The following RANBP9 variants were observed in gnomAD, a reference collection of about 807,000 sequenced individuals.
RANBP9 encodes the protein RAN binding protein 9, also known as ran-binding protein 9.
RANBP9 carries 15 observed loss-of-function variants against 84.3 expected under a neutral mutation model. That is an observed-to-expected ratio of 0.18 (90% CI 0.12 to 0.27). The LOEUF (loss-of-function observed/expected upper bound fraction) is 0.27. RANBP9 is among the 10% of genes least tolerant of loss of function. The pLI is 1.00. For synonymous variants in RANBP9, 392 were observed against 349.6 expected (o/e 1.12, Z -1.35); for missense variants, 809 against 912.8 (o/e 0.89, Z 1.46).
At chr6:13,686,116 GCC>G (rs869094962) in intron 2 of RANBP9, among the ~76,000 whole-genome samples, 226 of 2,094 alleles carry the variant, frequency 0.11, 9 homozygotes, top group African/African-American at 0.26. Flanking sequence ...CCCCCCCCCC[GCC>G]CCCCGAAATA....
At chr6:13,652,018 A>T (rs1765309503) in intron 5 of RANBP9, among the ~76,000 whole-genome samples, 3 of 152,058 alleles carry the variant, frequency 2.0e-5, no homozygotes. Context: ...CTTGCTCTAC[A>T]TATCCACTTG....
At chr6:13,638,251 C>T (rs1012058355) in intron 9 of RANBP9, among the ~76,000 whole-genome samples, 3 of 152,056 alleles carry the variant, frequency 2.0e-5, no homozygotes, top group African/African-American at 7.3e-5. Flanking sequence ...TACACTGAGG[C>T]TCAGAATTTA....
chr6:13,636,010 G>A lies in RANBP9; in HGVS notation c.1674-1458C>T, dbSNP rs144111174. Reference sequence around the variant, plus strand: ...AGTAATTATGATCAGTACTATGATGGAAGTTAATCACAAAACATGACATAT... The same window carrying A: ...AGTAATTATGATCAGTACTATGATGAAAGTTAATCACAAAACATGACATAT... On this transcript the variant is annotated intron_variant, in intron 10 of 13. Transcript: ENST00000011619. Among the ~76,000 whole-genome samples, 474 of 152,194 alleles carry A rather than the reference G, an allele frequency of 3.1e-3. 3 individuals carry two copies. The highest frequency in any genetic ancestry group is 0.011 in the African/African-American group (462 of 41,512).
At chr6:13,677,453 G>C (rs1398066284) in intron 2 of RANBP9, among the ~76,000 whole-genome samples, 4 of 152,118 alleles carry the variant, frequency 2.6e-5, no homozygotes, top group Non-Finnish European at 5.9e-5. Context: ...TACTGACACA[G>C]TAAGAGGGAT....
At position 13,637,729 on chromosome 6, in the gene RANBP9, G is replaced by C. The variant is rs1764973796; in HGVS notation, c.1673+79C>G. On this transcript the variant is annotated intron_variant, in intron 10 of 13. Coordinates refer to ENST00000011619, the MANE Select transcript of RANBP9 (RefSeq NM_005493.3). ...CCCCTCTGTGGGTCACATAATTCAA[G>C]TTCTTTCAAAATTATTACAACGATT... The C allele has an allele frequency of 2.2e-6, 3 of 1,358,926 alleles. No individual in the cohort carries two copies. In the African/African-American group the frequency reaches 4.5e-5, roughly 20 times the overall value. 84.2% of individuals were successfully genotyped at this position (1,358,926 alleles called of 1,614,324 possible). A position where few individuals can be genotyped will look rare whatever the true frequency, so the allele number is the denominator to read the frequency against.
chr6:13,710,805 C>T (rs534227201), intron 1 of RANBP9, 130 bp downstream of exon 1: 15 of 995,168 alleles, frequency 1.5e-5, no homozygotes, highest in Non-Finnish European at 2.0e-5. Context: ...AGCAGCACAA[C>T]AGGCGGCGAG....
Position 13,642,462 on chromosome 6 carries a change from C to A in RANBP9, c.1225+17G>T. On this transcript the variant is annotated intron_variant, in intron 7 of 13. Transcript: ENST00000011619. ...AATCTGAAAACAAATGTTAGCCATG[C>A]ACCACAGTGTCCTTACTTTGTCTAT... is the stretch of plus-strand genomic sequence containing the variant. 7.2e-7 allele frequency: 1 copy of A among 1,382,260 alleles called. No homozygotes were observed. Among genetic ancestry groups the A allele is most frequent in the Non-Finnish European group, 9.9e-7 (1 of 1,012,154 alleles). 85.6% of individuals were successfully genotyped at this position (1,382,260 alleles called of 1,614,324 possible).
intron 2 of RANBP9, among the ~76,000 whole-genome samples, chr6:13,666,706 T>C (rs1226146121): frequency 6.7e-6 from 1 of 149,742 alleles, no homozygotes; most frequent in Non-Finnish European, 1.5e-5. Flanking sequence ...GAGGCTGCAG[T>C]AAGACATGAT....
intron 4 of RANBP9, among the ~76,000 whole-genome samples, chr6:13,656,415 T>A (rs886203609): frequency 6.6e-6 from 1 of 152,040 alleles, no homozygotes; most frequent in Admixed American, 6.6e-5. Flanking sequence ...AAAAAAAACT[T>A]CTAAGAAAAT....
intron 1 of RANBP9, among the ~76,000 whole-genome samples, chr6:13,705,685 C>T (rs907686495): frequency 1.3e-5 from 2 of 150,362 alleles, no homozygotes; most frequent in Non-Finnish European, 1.5e-5. Context: ...CTCGGTGAAA[C>T]CCCCTCTCTA....
chr6:13,660,372 G>A (rs1233817384), intron 2 of RANBP9, among the ~76,000 whole-genome samples: 1 of 152,052 alleles, frequency 6.6e-6, no homozygotes, highest in Non-Finnish European at 1.5e-5. Context: ...AGTTGTGTGC[G>A]GTGGTGCACA....
intron 4 of RANBP9, among the ~76,000 whole-genome samples, chr6:13,656,451 T>A (rs115619838): frequency 6.6e-6 from 1 of 152,144 alleles, no homozygotes; most frequent in South Asian, 2.1e-4. Context: ...CATATAACTT[T>A]AAATTTGAAG....
intron 5 of RANBP9, among the ~76,000 whole-genome samples, chr6:13,649,026 A>G (rs1765235321): frequency 1.3e-5 from 2 of 152,228 alleles, no homozygotes; most frequent in Admixed American, 1.3e-4. Context: ...TATATTCCAT[A>G]ACAGGTGCAG....
rs139472139 is a variant in RANBP9 at position 13,709,894 on chromosome 6, A to G, written c.571+1041T>C. Among the ~76,000 whole-genome samples the G allele has an allele frequency of 2.3e-3, 353 of 152,338 alleles. 1 individual carries two copies. The highest frequency in any genetic ancestry group is 4.2e-3 in the Non-Finnish European group (284 of 68,032). Reference sequence around the variant, plus strand: ...GATCTGAGTAGACCCCTTTACAGCCAATCAAAGTGAGGCTGCCGTGAATGT... The same window carrying G: ...GATCTGAGTAGACCCCTTTACAGCCGATCAAAGTGAGGCTGCCGTGAATGT... On this transcript the variant is annotated intron_variant, in intron 1 of 13. Transcript: ENST00000011619.
intron 4 of RANBP9, 113 bp downstream of exon 4, chr6:13,656,996 T>C: frequency 2.0e-6 from 2 of 1,001,880 alleles, no homozygotes; most frequent in Non-Finnish European, 2.8e-6. Flanking sequence ...AAGAAACCAT[T>C]TCCAGAGGCA....
At chr6:13,653,489 G>A (rs1374103000) in intron 4 of RANBP9, among the ~76,000 whole-genome samples, 1 of 152,076 alleles carries the variant, frequency 6.6e-6, no homozygotes, top group Non-Finnish European at 1.5e-5. Context: ...AGCAGTATTG[G>A]TGAGTCAGTC....
At chr6:13,633,684 T>C (rs573765771) in intron 11 of RANBP9, among the ~76,000 whole-genome samples, 2 of 152,332 alleles carry the variant, frequency 1.3e-5, no homozygotes, top group East Asian at 1.9e-4. Context: ...GTGGCTGATA[T>C]TGAAGAGTAA....
At chr6:13,630,796 G>C (rs1278691429) in intron 12 of RANBP9, among the ~76,000 whole-genome samples, 2 of 151,728 alleles carry the variant, frequency 1.3e-5, no homozygotes, top group African/African-American at 4.8e-5. Context: ...AAGCATTAAA[G>C]AGACTTACAA....
chr6:13,673,631 TTC>T (rs1452989748), intron 2 of RANBP9, among the ~76,000 whole-genome samples: 1 of 152,198 alleles, frequency 6.6e-6, no homozygotes, highest in East Asian at 1.9e-4. Flanking sequence ...GTTGGTTATA[TTC>T]TGTTATAAGG....
Sources: allele counts gnomAD v4.1 joint callset (sites outside exome capture counted in the v4.1 genomes callset), GRCh38; gene constraint gnomAD v4.1.1; transcripts MANE v1.5; gene names NCBI Gene and HGNC (gene_info 2026-07-23, HGNC 2026-07-21).